ARMH3: variants seen among roughly 807,000 people sequenced by gnomAD.
The protein encoded by ARMH3 is armadillo like helical domain containing 3, also known as armadillo-like helical domain-containing protein 3.
In ARMH3, 60 loss-of-function variants were observed where a neutral mutation model predicts 99.1. That is an observed-to-expected ratio of 0.61 (90% CI 0.49 to 0.75). The LOEUF (loss-of-function observed/expected upper bound fraction) is 0.75. Among genes scored for constraint, ARMH3 ranks in the 30% least tolerant of loss-of-function variants. ARMH3 has a pLI of 0.00. For missense variants in ARMH3, 679 were observed against 843.1 expected, an observed-to-expected ratio of 0.81 and a Z score of 2.41; for synonymous variants, 285 against 292.8, an observed-to-expected ratio of 0.97 and a Z score of 0.27.
chr10:102,023,292 C>A (rs898661468), intron 8 of ARMH3, among the ~76,000 whole-genome samples, 185 bp downstream of exon 8: 1 of 152,068 alleles, frequency 6.6e-6, no homozygotes, highest in Non-Finnish European at 1.5e-5. Context: ...TCACAGGATT[C>A]CTTTAAACAA....
At chr10:101,922,511 C>T (rs1458754457) in intron 23 of ARMH3, among the ~76,000 whole-genome samples, 3 of 152,186 alleles carry the variant, frequency 2.0e-5, no homozygotes, top group Admixed American at 1.3e-4. Context: ...CTTGGCCTCC[C>T]AAAGTGCTGG....
intron 16 of ARMH3, among the ~76,000 whole-genome samples, chr10:101,994,511 A>G (rs114459230): frequency 6.6e-6 from 1 of 152,196 alleles, no homozygotes; most frequent in African/African-American, 2.4e-5. Context: ...ATTTAGCTCT[A>G]AACTCACTCA....
At chr10:101,849,637 G>A in intron 25 of ARMH3, 139 bp downstream of exon 25, 1 of 683,128 alleles carries the variant, frequency 1.5e-6, no homozygotes, top group South Asian at 1.8e-5. Context: ...CTGGTACAAT[G>A]GGGGAGAGAA....
intron 19 of ARMH3, among the ~76,000 whole-genome samples, chr10:101,988,347 G>C (rs1846609586): frequency 6.6e-6 from 1 of 152,052 alleles, no homozygotes; most frequent in African/African-American, 2.4e-5. Context: ...CCTAAAACTA[G>C]GATATAAAAT....
intron 22 of ARMH3, among the ~76,000 whole-genome samples, chr10:101,953,738 A>G (rs944749113): frequency 2.0e-5 from 3 of 152,178 alleles, no homozygotes; most frequent in Non-Finnish European, 2.9e-5. Context: ...CAAGTGCTGG[A>G]TATGATATGG....
chr10:101,999,652 T>C (rs1178816702), intron 15 of ARMH3, among the ~76,000 whole-genome samples: 3 of 152,246 alleles, frequency 2.0e-5, no homozygotes, highest in Non-Finnish European at 4.4e-5. Flanking sequence ...TATTACATGA[T>C]ACTACAGAAT....
rs778061287 is a variant in ARMH3 at position 102,033,107 on chromosome 10, C to A, written c.225G>T (p.Lys75Asn). The A allele has an allele frequency of 6.2e-7, 1 of 1,614,210 alleles. No homozygotes were observed. Among genetic ancestry groups the A allele is most frequent in the Non-Finnish European group, 8.5e-7 (1 of 1,180,038 alleles). The change falls in exon 4 of 26, where the codon AAG (lysine) becomes AAT (asparagine). Residue 75 changes from lysine to asparagine, a missense_variant. This residue lies in a region of ARMH3 where 280 missense variants were observed against 354.6 expected (regional missense o/e 0.79). Coordinates refer to ENST00000370033, the MANE Select transcript of ARMH3 (RefSeq NM_024541.3). The part of the protein sequence containing the change: ...SLDGEELMKI[K>N]DNINCLFQHC... The stretch of plus-strand genomic sequence containing the variant: ...GTTGGAATAAGCAATTAATATTGTC[C>A]TTGATCTTCATTAACTCCTCACCAT...
chr10:101,893,467 C>G (rs1343165300), intron 23 of ARMH3, among the ~76,000 whole-genome samples: 1 of 150,998 alleles, frequency 6.6e-6, no homozygotes, highest in Admixed American at 6.6e-5. Context: ...TTTATTCTTG[C>G]CTAGGTTTGG....
intron 23 of ARMH3, among the ~76,000 whole-genome samples, chr10:101,927,058 C>A (rs1246129071): frequency 6.6e-6 from 1 of 152,178 alleles, no homozygotes; most frequent in Non-Finnish European, 1.5e-5. Context: ...CTCTCAATCT[C>A]TCTCTTCCCA....
At chr10:102,028,322 G>A (rs1225736784) in intron 5 of ARMH3, among the ~76,000 whole-genome samples, 3 of 152,122 alleles carry the variant, frequency 2.0e-5, no homozygotes, top group Non-Finnish European at 4.4e-5. Flanking sequence ...GCTGAGGCAG[G>A]AGGATCACCT....
At chr10:101,975,322 A>C (rs766416098) in intron 19 of ARMH3, 22 bp from the exon 20 acceptor site, 1 of 1,594,176 alleles carries the variant, frequency 6.3e-7, no homozygotes, top group Non-Finnish European at 8.6e-7. Context: ...AAAGCAAAAA[A>C]TGAGGGTAAG....
chr10:101,885,709 G>A (rs1171071892), intron 24 of ARMH3, among the ~76,000 whole-genome samples: 1 of 152,160 alleles, frequency 6.6e-6, no homozygotes, highest in Non-Finnish European at 1.5e-5. Flanking sequence ...AGCAGAGATG[G>A]TTGCACAACA....
At chr10:101,894,733 TCA>T (rs1491551019) in intron 23 of ARMH3, among the ~76,000 whole-genome samples, 3 of 152,108 alleles carry the variant, frequency 2.0e-5, no homozygotes, top group Non-Finnish European at 4.4e-5. Flanking sequence ...TACTTCTCTC[TCA>T]CTTTTACTGG....
At chr10:101,860,839 TTAAAC>T (rs1354944861) in intron 24 of ARMH3, among the ~76,000 whole-genome samples, 5 of 152,142 alleles carry the variant, frequency 3.3e-5, no homozygotes, top group Non-Finnish European at 7.3e-5. Context: ...AAAGGCTACT[TTAAAC>T]TAACCCAAAT....
chr10:101,849,804 T>C lies in ARMH3; in HGVS notation c.1949A>G (p.His650Arg). 3 of 1,614,200 alleles carry C rather than the reference T, an allele frequency of 1.9e-6. No homozygotes were observed. The highest frequency in any genetic ancestry group is 2.5e-6 in the Non-Finnish European group (3 of 1,180,034). ...LDQYERYSEQ[H>R]KEAAFFKELV... ...CTCTTTGAAGAAGGCAGCTTCCTTG[T>C]GCTGCTCTGAGTAGCGCTCATACTG... is the stretch of plus-strand genomic sequence containing the variant. Residue 650 changes from histidine (H) to arginine (R), a missense_variant, in exon 25 of 26, where the codon CAC becomes CGC. By Grantham distance (29) the His-to-Arg change is conservative (BLOSUM62 0). Transcript: ENST00000370033.
chr10:101,979,825 A>C (rs1483420644), intron 19 of ARMH3, among the ~76,000 whole-genome samples: 1 of 152,178 alleles, frequency 6.6e-6, no homozygotes, highest in African/African-American at 2.4e-5. Context: ...TTCATTTGAG[A>C]GGATTAGCTT....
At chr10:101,978,761 G>A (rs1247362469) in intron 19 of ARMH3, among the ~76,000 whole-genome samples, 5 of 152,130 alleles carry the variant, frequency 3.3e-5, no homozygotes, top group African/African-American at 1.2e-4. Context: ...CCAACATGGT[G>A]AAACATCGTC....
chr10:102,006,129 A>G (rs2066480919), intron 14 of ARMH3, among the ~76,000 whole-genome samples: 1 of 152,218 alleles, frequency 6.6e-6, no homozygotes, highest in Non-Finnish European at 1.5e-5. Context: ...TAATTCCCTC[A>G]TTGATCAAAT....
At chr10:101,975,664 G>C (rs758429309) in intron 19 of ARMH3, among the ~76,000 whole-genome samples, 3 of 151,858 alleles carry the variant, frequency 2.0e-5, no homozygotes, top group Non-Finnish European at 2.9e-5. Flanking sequence ...AGGAGTTTGA[G>C]ACAAGCTTGG....
Sources: gnomAD v4.1 joint callset for allele counts (sites outside exome capture counted in the v4.1 genomes callset) on GRCh38, gnomAD v4.1.1 for gene constraint, gnomAD v4.1.1 regional missense constraint, MANE v1.5 for transcripts, NCBI Gene and HGNC (gene_info 2026-07-23, HGNC 2026-07-21) for gene names.